DCTN5: variants seen among roughly 807,000 people sequenced by gnomAD.
DCTN5 encodes dynactin subunit 5.
DCTN5 carries 14 observed loss-of-function variants against 23.5 expected under a neutral mutation model. That is an observed-to-expected ratio of 0.60 (90% CI 0.39 to 0.93). The LOEUF (loss-of-function observed/expected upper bound fraction) is 0.93, where lower values mean the gene tolerates loss of function less well. Ranked by LOEUF, DCTN5 falls within the 40% of genes least tolerant of loss-of-function variation. The probability of loss-of-function intolerance (pLI) is 0.00; values close to 1 mark genes in which losing one functional copy is unlikely to be tolerated. For synonymous variants in DCTN5, 67 were observed against 79.6 expected, an observed-to-expected ratio of 0.84 and a Z score of 0.84; for missense variants, 156 against 225.9, an observed-to-expected ratio of 0.69 and a Z score of 1.98.
rs515726057 is a variant in DCTN5 at position 23,641,516 on chromosome 16, C to A, written c.-27C>A. On this transcript the variant is annotated 5_prime_UTR_variant, in exon 1 of 6. Transcript: ENST00000300087. The stretch of plus-strand genomic sequence containing the variant: ...CTGACCGACTGACTCTGACAGGATC[C>A]GGGGCTGAGGGAAGGAGGCGGCGGC... The A allele has an allele frequency of 6.2e-7, 1 of 1,613,936 alleles. No individual in the cohort carries two copies.
intron 2 of DCTN5, among the ~76,000 whole-genome samples, chr16:23,646,632 A>G (rs1014073915): frequency 1.3e-5 from 2 of 151,654 alleles, no homozygotes; most frequent in Non-Finnish European, 2.9e-5. Flanking sequence ...GCTGGAGTGC[A>G]GTGGTGCAAT....
At chr16:23,652,505 G>A (rs898173003) in intron 2 of DCTN5, among the ~76,000 whole-genome samples, 1 of 151,964 alleles carries the variant, frequency 6.6e-6, no homozygotes, top group Non-Finnish European at 1.5e-5. Flanking sequence ...CATCTTTATT[G>A]AGGTATAATT....
chr16:23,650,664 T>C, intron 2 of DCTN5: 1 of 1,235,226 alleles, frequency 8.1e-7, no homozygotes, highest in Non-Finnish European at 1.1e-6. Context: ...ACAATTCCAC[T>C]TATCCACCCT....
intron 2 of DCTN5, among the ~76,000 whole-genome samples, chr16:23,648,631 T>G (rs1967528401): frequency 6.6e-6 from 1 of 151,976 alleles, no homozygotes; most frequent in African/African-American, 2.4e-5. Context: ...ATTACAGGTG[T>G]GGGCCACCAC....
rs1182866038 is a variant in DCTN5, at chr16:23,674,250, G to A, written c.*7106G>A. 6.6e-6 allele frequency: 1 copy of A among 152,208 alleles called. No homozygotes were observed. Among genetic ancestry groups the A allele is most frequent in the East Asian group, 1.9e-4 (1 of 5,200 alleles). The allele number at this position is 152,208 out of a possible 1,614,324, so 9.4% of individuals were successfully genotyped here. A position where few individuals can be genotyped will look rare whatever the true frequency, so the allele number is the denominator to read the frequency against. On this transcript the variant is annotated 3_prime_UTR_variant, in exon 6 of 6. Transcript: ENST00000300087. ...GGAGATTAAGGACCCCCTCCGTGGA[G>A]CGCTAAACTATGAAAACGTCCTGGA...
In DCTN5 at chr16:23,655,543, AT is replaced by A. The variant is rs763639132; in HGVS notation, c.118-2949del. Among the ~76,000 whole-genome samples, 287 of 141,534 alleles carry A rather than the reference AT, an allele frequency of 2.0e-3. 2 individuals are homozygous for A. The highest frequency in any genetic ancestry group is 8.5e-3 in the East Asian group (42 of 4,922). 92.9% of individuals were successfully genotyped at this position (141,534 alleles called of 152,430 possible). A position where few individuals can be genotyped will look rare whatever the true frequency, so the allele number is the denominator to read the frequency against. On this transcript the variant is annotated intron_variant, in intron 2 of 5. Transcript: ENST00000300087. ...GGCACGTGCCACCATGCCCTGCTTA[AT>A]TTTTTTTTTTTTTTCTTGAGGCACA...
At chr16:23,655,902 G>A (rs561305338) in intron 2 of DCTN5, among the ~76,000 whole-genome samples, 165 of 152,190 alleles carry the variant, frequency 1.1e-3, no homozygotes, top group African/African-American at 3.8e-3. Flanking sequence ...AAATACTTCA[G>A]TGTGTCTTAC....
At position 23,669,773 on chromosome 16, in the gene DCTN5, C is replaced by T. The variant is rs1212023850; in HGVS notation, c.*2629C>T. 1.3e-5 allele frequency: 2 copies of T among 152,238 alleles called. No homozygotes were observed. Among genetic ancestry groups the T allele is most frequent in the South Asian group, 2.1e-4 (1 of 4,830 alleles). 9.4% of individuals were successfully genotyped at this position (152,238 alleles called of 1,614,324 possible). On this transcript the variant is annotated 3_prime_UTR_variant, in exon 6 of 6. Transcript: ENST00000300087. ...GGAGTTGCCTTCTGAGGATACTCCACTGGGGGTACCTGAGCCTGGATTAGA... is the reference window on the plus strand; with the variant it reads ...GGAGTTGCCTTCTGAGGATACTCCATTGGGGGTACCTGAGCCTGGATTAGA...
At chr16:23,641,658 C>T in intron 1 of DCTN5, 68 bp downstream of exon 1, 4 of 1,525,834 alleles carry the variant, frequency 2.6e-6, no homozygotes, top group South Asian at 1.1e-5. Flanking sequence ...GGTCGGCGTT[C>T]CCAACCTGCC....
At chr16:23,651,541 A>G (rs1186743457) in intron 2 of DCTN5, among the ~76,000 whole-genome samples, 1 of 152,216 alleles carries the variant, frequency 6.6e-6, no homozygotes, top group African/African-American at 2.4e-5. Context: ...ACAATAAAAC[A>G]ACCACCATCA....
At chr16:23,661,694 G>T (rs975112696) in intron 4 of DCTN5, among the ~76,000 whole-genome samples, 3 of 150,270 alleles carry the variant, frequency 2.0e-5, no homozygotes, top group Non-Finnish European at 4.4e-5. Flanking sequence ...TTCCAGTCTG[G>T]GCAACAAAAC....
chr16:23,654,957 T>G (rs371204026), intron 2 of DCTN5, among the ~76,000 whole-genome samples: 1 of 152,224 alleles, frequency 6.6e-6, no homozygotes, highest in African/African-American at 2.4e-5. Flanking sequence ...CTGAATAATA[T>G]TCCATTATGT....
Position 23,671,630 on chromosome 16 carries a change from C to G in DCTN5, c.*4486C>G, listed in dbSNP as rs1968009218. 6.6e-6 allele frequency: 1 copy of G among 152,230 alleles called. No individual in the cohort carries two copies. Among genetic ancestry groups the G allele is most frequent in the African/African-American group, 2.4e-5 (1 of 41,456 alleles). The allele number at this position is 152,230 out of a possible 1,614,324, so 9.4% of individuals were successfully genotyped here. A position where few individuals can be genotyped will look rare whatever the true frequency, so the allele number is the denominator to read the frequency against. On this transcript the variant is annotated 3_prime_UTR_variant, in exon 6 of 6. Transcript: ENST00000300087. ...GGCTGAGCTGGAATCAAGGCCAGCT[C>G]TTACTTGGCTGCAAAATCCATGTTT...
Position 23,641,527 on chromosome 16 carries a change from G to A in DCTN5, c.-16G>A, listed in dbSNP as rs1172730832. ...ACTCTGACAGGATCCGGGGCTGAGG[G>A]AAGGAGGCGGCGGCCATGGAGTTGG... On this transcript the variant is annotated 5_prime_UTR_variant, in exon 1 of 6. Transcript: ENST00000300087. 1.2e-6 allele frequency: 2 copies of A among 1,613,956 alleles called. No individual in the cohort carries two copies. The highest frequency in any genetic ancestry group is 1.7e-6 in the Non-Finnish European group (2 of 1,179,982).
intron 2 of DCTN5, among the ~76,000 whole-genome samples, chr16:23,644,728 G>A (rs1387471161): frequency 3.3e-5 from 5 of 151,484 alleles, no homozygotes; most frequent in East Asian, 2.0e-4. Flanking sequence ...GAGCCACCAC[G>A]CCCAGCCCAA....
intron 2 of DCTN5, among the ~76,000 whole-genome samples, chr16:23,644,136 C>G: frequency 6.6e-6 from 1 of 151,126 alleles, no homozygotes; most frequent in Non-Finnish European, 1.5e-5. Context: ...CTTTTTTTTC[C>G]TTTTTTGTTG....
Position 23,641,488 on chromosome 16 carries a change from A to G in DCTN5, c.-55A>G. 6.2e-7 allele frequency: 1 copy of G among 1,610,306 alleles called. No individual in the cohort carries two copies. The stretch of plus-strand genomic sequence containing the variant: ...GCCGGAAGTAGCCGGAATCTCTGAA[A>G]GACTGACCGACTGACTCTGACAGGA... On this transcript the variant is annotated 5_prime_UTR_variant, in exon 1 of 6. Transcript: ENST00000300087.
intron 2 of DCTN5, among the ~76,000 whole-genome samples, chr16:23,657,001 AAAAT>A (rs1967716599): frequency 6.6e-6 from 1 of 151,994 alleles, no homozygotes; most frequent in Non-Finnish European, 1.5e-5. Flanking sequence ...AAAAAAAAAA[AAAAT>A]AAAGACTCAT....
intron 2 of DCTN5, among the ~76,000 whole-genome samples, chr16:23,647,137 T>TTTTTTTTTTGTTTTTTTTG (rs1967482056): frequency 2.9e-4 from 1 of 3,424 alleles, no homozygotes; most frequent in African/African-American, 4.1e-4. Flanking sequence ...GTTTTCTGGT[T>TTTTTTTTTTGTTTTTTTTG]TTTTTTTTTT....
Sources: gnomAD v4.1 joint callset for allele counts (sites outside exome capture counted in the v4.1 genomes callset) on GRCh38, gnomAD v4.1.1 for gene constraint, MANE v1.5 for transcripts, NCBI Gene and HGNC (gene_info 2026-07-23, HGNC 2026-07-21) for gene names.